METTL8: variants seen among roughly 807,000 people sequenced by gnomAD.
METTL8 encodes methyltransferase 8, tRNA N3-cytidine, also known as tRNA N(3)-cytidine methyltransferase METTL8, mitochondrial.
Under a neutral mutation model 48.7 loss-of-function variants are expected in METTL8, and 32 were observed. The ratio of observed to expected loss-of-function variants is 0.66; its 90% CI spans 0.50 to 0.88. The LOEUF (loss-of-function observed/expected upper bound fraction) is 0.88. Among genes scored for constraint, METTL8 ranks in the 40% least tolerant of loss-of-function variants. METTL8 has a pLI of 0.00. For synonymous variants in METTL8, 136 were observed against 157.1 expected, an observed-to-expected ratio of 0.87 and a Z score of 1.01; for missense variants, 464 against 474.4, an observed-to-expected ratio of 0.98 and a Z score of 0.20.
intron 1 of METTL8, among the ~76,000 whole-genome samples, chr2:171,428,493 T>TAA (rs113979366): frequency 5.6e-5 from 8 of 142,336 alleles, no homozygotes; most frequent in African/African-American, 2.1e-4. Context: ...CAAATAAAGT[T>TAA]AAAAAAAAAA....
chr2:171,358,549 A>C (rs1270659811), intron 3 of METTL8, among the ~76,000 whole-genome samples: 1 of 152,182 alleles, frequency 6.6e-6, no homozygotes, highest in Non-Finnish European at 1.5e-5. Context: ...TGTCAAGTAC[A>C]TATGATGGGG....
chr2:171,338,449 C>T (rs1559065688), intron 4 of METTL8, among the ~76,000 whole-genome samples: 3 of 152,020 alleles, frequency 2.0e-5, no homozygotes, highest in Middle Eastern at 6.8e-3. Flanking sequence ...ACCAGCCTGG[C>T]CAACGTGGCG....
At chr2:171,324,600 T>C (rs1234546561) in intron 9 of METTL8, among the ~76,000 whole-genome samples, 1 of 152,166 alleles carries the variant, frequency 6.6e-6, no homozygotes, top group Non-Finnish European at 1.5e-5. Flanking sequence ...CATCAACAGA[T>C]ATATAAAACT....
chr2:171,325,329 G>T (rs1387278255), intron 9 of METTL8, among the ~76,000 whole-genome samples: 3 of 151,912 alleles, frequency 2.0e-5, no homozygotes, highest in South Asian at 2.1e-4. Flanking sequence ...AGGACTACAG[G>T]TATGCACCAC....
At chr2:171,415,429 T>C (rs1322310994) in intron 1 of METTL8, among the ~76,000 whole-genome samples, 2 of 146,040 alleles carry the variant, frequency 1.4e-5, no homozygotes, top group East Asian at 2.1e-4. Context: ...CTTGGCTCAC[T>C]GCAACCTCTG....
chr2:171,388,553 T>C (rs1400346693), intron 2 of METTL8, among the ~76,000 whole-genome samples: 2 of 152,226 alleles, frequency 1.3e-5, no homozygotes, highest in Non-Finnish European at 2.9e-5. Context: ...CTTATTTCAG[T>C]TTACCTATTC....
At chr2:171,403,146 A>T (rs1257946319) in intron 1 of METTL8, among the ~76,000 whole-genome samples, 1 of 152,184 alleles carries the variant, frequency 6.6e-6, no homozygotes, top group African/African-American at 2.4e-5. Flanking sequence ...TGGGCAGCAC[A>T]TAGTGACTTC....
At chr2:171,414,864 A>G (rs543419645) in intron 1 of METTL8, 14 of 152,202 alleles carry the variant, frequency 9.2e-5, no homozygotes, top group African/African-American at 2.9e-4. Flanking sequence ...CTGGTGGGAG[A>G]TAAATGAATC....
chr2:171,367,888 T>A (rs576591118), intron 2 of METTL8, among the ~76,000 whole-genome samples: 2 of 152,318 alleles, frequency 1.3e-5, no homozygotes, highest in East Asian at 3.9e-4. Context: ...TCTCAAACTG[T>A]CGTCCACCCT....
At chr2:171,385,798 C>G (rs567172415) in intron 2 of METTL8, among the ~76,000 whole-genome samples, 51 of 152,322 alleles carry the variant, frequency 3.3e-4, no homozygotes, top group African/African-American at 1.2e-3. Context: ...TGCTCCAGGC[C>G]TCTATGCCTA....
chr2:171,424,757 C>T (rs565548068), intron 1 of METTL8, among the ~76,000 whole-genome samples: 1 of 152,220 alleles, frequency 6.6e-6, no homozygotes, highest in African/African-American at 2.4e-5. Flanking sequence ...TCAGATGAGA[C>T]TTTGGACTTA....
intron 2 of METTL8, among the ~76,000 whole-genome samples, chr2:171,387,330 A>G (rs1260727881): frequency 6.6e-6 from 1 of 152,092 alleles, no homozygotes; most frequent in Non-Finnish European, 1.5e-5. Flanking sequence ...CGGGGCACTG[A>G]AGAAGTGAGC....
chr2:171,419,475 C>T (rs1263733960), intron 1 of METTL8, among the ~76,000 whole-genome samples: 2 of 152,186 alleles, frequency 1.3e-5, no homozygotes, highest in Non-Finnish European at 2.9e-5. Context: ...TGGTTCCTAT[C>T]ATCACCATCC....
intron 3 of METTL8, among the ~76,000 whole-genome samples, chr2:171,359,346 AAGAC>A (rs946871453): frequency 1.3e-5 from 2 of 152,208 alleles, no homozygotes; most frequent in Admixed American, 6.5e-5. Context: ...GTATATCAAA[AAGAC>A]AGGGAATAAT....
chr2:171,429,634 G>C (rs942600324), intron 1 of METTL8, among the ~76,000 whole-genome samples: 23 of 152,172 alleles, frequency 1.5e-4, no homozygotes, highest in African/African-American at 5.3e-4. Context: ...CAAAAAACAA[G>C]AAAGAGACAA....
intron 3 of METTL8, among the ~76,000 whole-genome samples, chr2:171,340,907 A>C (rs1002797336): frequency 2.0e-5 from 3 of 152,222 alleles, no homozygotes; most frequent in African/African-American, 7.2e-5. Flanking sequence ...GAAGCCTTAA[A>C]GAAAATTTCT....
At chr2:171,422,445 T>C (rs1177770157) in intron 1 of METTL8, among the ~76,000 whole-genome samples, 1 of 152,206 alleles carries the variant, frequency 6.6e-6, no homozygotes, top group East Asian at 1.9e-4. Flanking sequence ...TCTTAAACAA[T>C]AGTCAAATTA....
intron 1 of METTL8, among the ~76,000 whole-genome samples, chr2:171,429,413 C>A (rs1692751377): frequency 6.6e-6 from 1 of 152,150 alleles, no homozygotes; most frequent in African/African-American, 2.4e-5. Flanking sequence ...AGTAATCTCT[C>A]AACACAAGGG....
chr2:171,348,801 A>G (rs1308631470), intron 3 of METTL8, among the ~76,000 whole-genome samples: 2 of 152,170 alleles, frequency 1.3e-5, no homozygotes, highest in Non-Finnish European at 1.5e-5. Flanking sequence ...TGTCTATTTT[A>G]TAAACTATTT....
Sources: allele counts gnomAD v4.1 joint callset (sites outside exome capture counted in the v4.1 genomes callset), GRCh38; gene constraint gnomAD v4.1.1; transcripts MANE v1.5; gene names NCBI Gene and HGNC (gene_info 2026-07-23, HGNC 2026-07-21).